Variants in TNPO1 observed in about 807,000 individuals in gnomAD.
TNPO1 encodes the protein transportin 1, also known as transportin-1.
In TNPO1, 8 loss-of-function variants were observed where a neutral mutation model predicts 119.5. The ratio of observed to expected loss-of-function variants is 0.07; its 90% confidence interval spans 0.04 to 0.12. The LOEUF (loss-of-function observed/expected upper bound fraction) is 0.12, where lower values mean the gene tolerates loss of function less well. Ranked by LOEUF, TNPO1 falls within the 10% of genes least tolerant of loss-of-function variation. TNPO1 has a pLI of 1.00. For synonymous variants in TNPO1, 362 were observed against 363.0 expected (o/e 1.00, Z 0.03); for missense variants, 576 against 1,089.8 (o/e 0.53, Z 6.64).
intron 5 of TNPO1, among the ~76,000 whole-genome samples, chr5:72,862,848 A>G (rs528912811): frequency 6.6e-6 from 1 of 151,948 alleles, no homozygotes; most frequent in African/African-American, 2.4e-5. Flanking sequence ...GAGTTTCACC[A>G]TGTTGGACAG....
chr5:72,821,008 A>C (rs1343883619), intron 1 of TNPO1, among the ~76,000 whole-genome samples: 2 of 152,158 alleles, frequency 1.3e-5, no homozygotes, highest in African/African-American at 2.4e-5. Flanking sequence ...AATTTGATTA[A>C]ATTTGGGGAA....
chr5:72,859,161 C>T (rs557045254), intron 4 of TNPO1, among the ~76,000 whole-genome samples: 10 of 152,266 alleles, frequency 6.6e-5, no homozygotes, highest in Admixed American at 2.0e-4. Flanking sequence ...AGTACTCTGA[C>T]TCTACATTAT....
At chr5:72,828,945 T>G (rs1744326924) in intron 1 of TNPO1, among the ~76,000 whole-genome samples, 1 of 152,210 alleles carries the variant, frequency 6.6e-6, no homozygotes, top group South Asian at 2.1e-4. Context: ...GTAAAGATAC[T>G]TTATATGTAA....
rs755221804 is a variant in TNPO1 at position 72,888,272 on chromosome 5, A to G, written c.1498A>G (p.Ser500Gly). Residue 500 changes from serine to glycine, a missense_variant, in exon 13 of 25, where the codon AGC becomes GGC. Ser to Gly is a moderately conservative substitution (Grantham distance 56, BLOSUM62 0). Coordinates refer to ENST00000337273, the MANE Select transcript of TNPO1 (RefSeq NM_002270.4). Reference sequence around the variant, plus strand: ...AGAATTGCTAAAGCGCATCCTGGACAGCAACAAGAGAGTACAAGAAGCTGC... The same window carrying G: ...AGAATTGCTAAAGCGCATCCTGGACGGCAACAAGAGAGTACAAGAAGCTGC... Reference protein sequence around the residue: ...MTELLKRILDSNKRVQEAACS... With the variant: ...MTELLKRILDGNKRVQEAACS... The G allele has an allele frequency of 1.1e-5, 18 of 1,614,146 alleles. No homozygotes were observed. The highest frequency in any genetic ancestry group is 1.4e-5 in the Non-Finnish European group (17 of 1,180,014).
intron 20 of TNPO1, 122 bp downstream of exon 20, chr5:72,897,273 A>G (rs1310006037): frequency 3.2e-6 from 2 of 631,196 alleles, no homozygotes; most frequent in South Asian, 4.7e-5. Flanking sequence ...TTTAATTGCT[A>G]TTTCGGATTT....
intron 5 of TNPO1, among the ~76,000 whole-genome samples, chr5:72,863,456 G>A (rs1307599721): frequency 1.3e-5 from 2 of 151,998 alleles, no homozygotes; most frequent in Non-Finnish European, 2.9e-5. Context: ...GGTGTGATGT[G>A]TGCCTGTGGT....
At chr5:72,825,297 A>G (rs155430) in intron 1 of TNPO1, among the ~76,000 whole-genome samples, 132,594 of 152,166 alleles carry the variant, frequency 0.87, 58,031 homozygotes, top group Middle Eastern at 0.97. Flanking sequence ...TCCTGTTACG[A>G]TCTGAATGTA....
chr5:72,832,002 A>T (rs1467366520), intron 1 of TNPO1, among the ~76,000 whole-genome samples: 1 of 152,024 alleles, frequency 6.6e-6, no homozygotes, highest in Non-Finnish European at 1.5e-5. Flanking sequence ...AGGTTATATT[A>T]TTTGCCATAT....
rs766159256 is a variant in TNPO1 at position 72,851,326 on chromosome 5, A to G, written c.205+7A>G. The G allele has an allele frequency of 4.0e-6, 6 of 1,501,592 alleles. No homozygotes were observed. In the South Asian group the frequency reaches 6.9e-5, roughly 17 times the overall value. 93.0% of individuals were successfully genotyped at this position (1,501,592 alleles called of 1,614,324 possible). The stretch of plus-strand genomic sequence containing the variant: ...ACAAAATTAAAATCTGAAGGTAAGT[A>G]GGATTTGTATTGATAACTATTTAAA... On this transcript the variant is annotated splice_region_variant and intron_variant, in intron 3 of 24. Coordinates refer to ENST00000337273, the MANE Select transcript of TNPO1 (RefSeq NM_002270.4).
At chr5:72,863,889 G>A (rs1327285831) in intron 5 of TNPO1, among the ~76,000 whole-genome samples, 1 of 152,106 alleles carries the variant, frequency 6.6e-6, no homozygotes, top group Non-Finnish European at 1.5e-5. Context: ...AAAATTTTAA[G>A]CAAGTGCTTT....
At chr5:72,899,109 C>G (rs1235688127) in intron 20 of TNPO1, among the ~76,000 whole-genome samples, 2 of 151,854 alleles carry the variant, frequency 1.3e-5, no homozygotes, top group Non-Finnish European at 2.9e-5. Context: ...TTGCCCACTT[C>G]AAAATTGTAA....
At chr5:72,887,562 G>A (rs1404217899) in intron 12 of TNPO1, among the ~76,000 whole-genome samples, 2 of 152,220 alleles carry the variant, frequency 1.3e-5, no homozygotes, top group Non-Finnish European at 2.9e-5. Context: ...GCATGTGCCT[G>A]TAGTCCCAGC....
At chr5:72,862,903 C>T (rs951640317) in intron 5 of TNPO1, among the ~76,000 whole-genome samples, 1 of 152,076 alleles carries the variant, frequency 6.6e-6, no homozygotes, top group South Asian at 2.1e-4. Flanking sequence ...CTGTCTCAAC[C>T]TCCCAAAGTG....
chr5:72,882,609 C>G, intron 10 of TNPO1, 82 bp downstream of exon 10: 1 of 933,692 alleles, frequency 1.1e-6, no homozygotes, highest in Non-Finnish European at 1.7e-6. Flanking sequence ...ATAAAACATT[C>G]ATTGAGAATA....
Position 72,875,701 on chromosome 5 carries a change from G to A in TNPO1, c.765G>A (p.Met255Ile). The A allele has an allele frequency of 6.2e-7, 1 of 1,613,234 alleles. No individual in the cohort carries two copies. The highest frequency in any genetic ancestry group is 8.5e-7 in the Non-Finnish European group (1 of 1,179,360). ...RALVMLLEVR[M>I]DRLLPHMHNI... is the part of the protein sequence containing the mutation. Reference sequence around the variant, plus strand: ...TTGTGATGTTGCTCGAAGTTCGAATGGATCGCCTGCTTCCTCACATGCATA... The same window carrying A: ...TTGTGATGTTGCTCGAAGTTCGAATAGATCGCCTGCTTCCTCACATGCATA... Residue 255 changes from methionine (M) to isoleucine (I), a missense_variant, in exon 8 of 25, where the codon ATG (methionine) becomes ATA (isoleucine). By Grantham distance (10) the Met-to-Ile change is conservative. Transcript: ENST00000337273.
intron 18 of TNPO1, among the ~76,000 whole-genome samples, chr5:72,896,118 A>G (rs1183130625): frequency 6.6e-6 from 1 of 150,722 alleles, no homozygotes; most frequent in Non-Finnish European, 1.5e-5. Context: ...TTTTTTTTTT[A>G]GTCTAATTAC....
In TNPO1 at chr5:72,909,735, CATAGAT is replaced by C. The variant is rs1750432189; in HGVS notation, c.*1066_*1071del. 1 of 152,490 alleles carries C rather than the reference CATAGAT, an allele frequency of 6.6e-6. No individual in the cohort carries two copies. Among genetic ancestry groups the C allele is most frequent in the African/African-American group, 2.4e-5 (1 of 41,402 alleles). 9.4% of individuals were successfully genotyped at this position (152,490 alleles called of 1,614,324 possible). Reference sequence around the variant, plus strand: ...TTGTGGATTTTATTTTTATTAAGAACATAGATATATAAAGTACTGTAGTTTACAGGT... The same window carrying C: ...TTGTGGATTTTATTTTTATTAAGAACATATAAAGTACTGTAGTTTACAGGT... On this transcript the variant is annotated 3_prime_UTR_variant, in exon 25 of 25. Coordinates refer to ENST00000337273, the MANE Select transcript of TNPO1 (RefSeq NM_002270.4).
chr5:72,888,057 A>G (rs1748783627), intron 12 of TNPO1, 21 bp from the exon 13 acceptor site: 1 of 1,597,368 alleles, frequency 6.3e-7, no homozygotes, highest in African/African-American at 1.3e-5. Flanking sequence ...TAGCATTTTG[A>G]AAGATTTATT....
chr5:72,898,183 TACATG>T (rs1421449238), intron 20 of TNPO1, among the ~76,000 whole-genome samples: 1 of 152,142 alleles, frequency 6.6e-6, no homozygotes, highest in Non-Finnish European at 1.5e-5. Flanking sequence ...GCAGTACCTA[TACATG>T]ACATTCAGAT....
Sources: allele counts gnomAD v4.1 joint callset (sites outside exome capture counted in the v4.1 genomes callset), GRCh38; gene constraint gnomAD v4.1.1; transcripts MANE v1.5; gene names NCBI Gene and HGNC (gene_info 2026-07-23, HGNC 2026-07-21).